Variants in ANO3 observed in about 807,000 individuals in gnomAD.
ANO3 encodes the protein anoctamin-3.
Under a neutral mutation model 144.8 loss-of-function variants are expected in ANO3, and 99 were observed. The ratio of observed to expected loss-of-function variants is 0.68; its 90% confidence interval spans 0.58 to 0.81. ANO3 has a LOEUF of 0.81. Among genes scored for constraint, ANO3 ranks in the 30% least tolerant of loss-of-function variants. The pLI is 0.00. For synonymous variants in ANO3, 414 were observed against 392.6 expected (o/e 1.05, Z -0.64); for missense variants, 905 against 1,202.2 (o/e 0.75, Z 3.66).
At chr11:26,365,230 A>G (rs1856034975) in intron 1 of ANO3, among the ~76,000 whole-genome samples, 2 of 152,198 alleles carry the variant, frequency 1.3e-5, no homozygotes, top group Admixed American at 1.3e-4. Context: ...GGCCCACAAG[A>G]ACATGGGCAG....
intron 20 of ANO3, among the ~76,000 whole-genome samples, chr11:26,635,395 T>C (rs1443685951): frequency 6.6e-6 from 1 of 152,148 alleles, no homozygotes; most frequent in Non-Finnish European, 1.5e-5. Context: ...TTAAATATGT[T>C]AGGTTTCCTT....
intron 1 of ANO3, among the ~76,000 whole-genome samples, chr11:26,375,973 G>A (rs996605363): frequency 6.6e-6 from 1 of 152,120 alleles, no homozygotes; most frequent in Non-Finnish European, 1.5e-5. Context: ...AAAAAAGTGT[G>A]CATTCCAAAA....
At chr11:26,360,590 AGACAGAAT>A (rs1666750210) in intron 1 of ANO3, among the ~76,000 whole-genome samples, 1 of 152,046 alleles carries the variant, frequency 6.6e-6, no homozygotes, top group Non-Finnish European at 1.5e-5. Flanking sequence ...ACCTCTCTGT[AGACAGAAT>A]GCCTGTCTAC....
intron 4 of ANO3, among the ~76,000 whole-genome samples, chr11:26,484,966 C>T (rs150114865): frequency 6.6e-6 from 1 of 152,288 alleles, no homozygotes; most frequent in East Asian, 1.9e-4. Context: ...TCAAATTTCT[C>T]CCTTTTGGAA....
upstream of ANO3, among the ~76,000 whole-genome samples, chr11:26,304,998 C>T (rs1425056318): frequency 1.3e-5 from 2 of 151,748 alleles, no homozygotes; most frequent in Non-Finnish European, 1.5e-5. Context: ...AATTAAAGGA[C>T]TTGAAAACTG....
At chr11:26,538,590 T>C (rs903586727) in intron 10 of ANO3, among the ~76,000 whole-genome samples, 2 of 152,162 alleles carry the variant, frequency 1.3e-5, no homozygotes, top group South Asian at 2.1e-4. Context: ...AGAACCTCTG[T>C]AGCAAAGGAA....
chr11:26,584,710 T>C (rs944861011), intron 14 of ANO3, among the ~76,000 whole-genome samples: 14 of 152,222 alleles, frequency 9.2e-5, no homozygotes, highest in East Asian at 3.9e-4. Context: ...CTCACTGATA[T>C]ATTTCAACCA....
At chr11:26,507,110 G>T (rs1278797688) in intron 4 of ANO3, among the ~76,000 whole-genome samples, 2 of 152,144 alleles carry the variant, frequency 1.3e-5, no homozygotes, top group Admixed American at 1.3e-4. Context: ...GAAGAAATTG[G>T]GTTCAAGTCC....
chr11:26,598,809 T>C (rs1401895649), intron 15 of ANO3, 49 bp from the exon 16 acceptor site: 4 of 1,579,844 alleles, frequency 2.5e-6, no homozygotes, highest in African/African-American at 2.7e-5. Flanking sequence ...GGGGTATGTT[T>C]TTTTAGTTTA....
intron 1 of ANO3, among the ~76,000 whole-genome samples, chr11:26,240,791 T>C (rs770445655): frequency 5.9e-5 from 9 of 152,220 alleles, no homozygotes; most frequent in Non-Finnish European, 8.8e-5. Context: ...TGCCATGTTA[T>C]GGAAACGTAT....
intron 3 of ANO3, among the ~76,000 whole-genome samples, chr11:26,452,766 G>A (rs1858995879): frequency 7.1e-6 from 1 of 141,616 alleles, no homozygotes; most frequent in Non-Finnish European, 1.5e-5. Flanking sequence ...GCAACCCCAA[G>A]ACACATAATT....
intron 14 of ANO3, among the ~76,000 whole-genome samples, chr11:26,574,953 C>A (rs1345425839): frequency 6.6e-6 from 1 of 151,958 alleles, no homozygotes; most frequent in African/African-American, 2.4e-5. Flanking sequence ...AAGTTGTAAA[C>A]CTGGTCAATC....
intron 1 of ANO3, among the ~76,000 whole-genome samples, chr11:26,313,907 G>A (rs1362499362): frequency 7.2e-6 from 1 of 138,256 alleles, no homozygotes; most frequent in Admixed American, 6.9e-5. Flanking sequence ...TAAAAAGAGA[G>A]TACCTAAAAA....
At chr11:26,247,127 A>G (rs1319237702) in intron 1 of ANO3, among the ~76,000 whole-genome samples, 1 of 152,234 alleles carries the variant, frequency 6.6e-6, no homozygotes, top group African/African-American at 2.4e-5. Flanking sequence ...CTGATGAATC[A>G]GAATTTTTGA....
chr11:26,618,775 T>A (rs1343423722), intron 17 of ANO3, among the ~76,000 whole-genome samples: 2 of 152,176 alleles, frequency 1.3e-5, no homozygotes, highest in Non-Finnish European at 2.9e-5. Flanking sequence ...CCTGTCTCTT[T>A]CTCCACAGTG....
chr11:26,613,503 G>T lies in ANO3; in HGVS notation c.1837-10959G>T, dbSNP rs111424505. Among the ~76,000 whole-genome samples, 754 of 151,920 alleles carry T rather than the reference G, an allele frequency of 5.0e-3. 6 individuals carry two copies. Among genetic ancestry groups the T allele is most frequent in the African/African-American group, 0.017 (717 of 41,434 alleles). ...AATTTCATAAATTTTCTTTTCTTTG[G>T]GGTCTGTTACTAGAGACTTATTGTG... On this transcript the variant is annotated intron_variant, in intron 17 of 26. Transcript: ENST00000256737.
At chr11:26,337,460 T>C (rs1026533697) in intron 1 of ANO3, among the ~76,000 whole-genome samples, 5 of 152,220 alleles carry the variant, frequency 3.3e-5, no homozygotes, top group African/African-American at 1.2e-4. Flanking sequence ...TTGATGATTC[T>C]AGAGAGCTGA....
intron 1 of ANO3, among the ~76,000 whole-genome samples, chr11:26,430,620 G>T (rs75320557): frequency 0.022 from 3,285 of 151,532 alleles, 57 homozygotes; most frequent in African/African-American, 0.039. Context: ...TACCAAGAAA[G>T]AAGAAAAAAA....
At position 26,553,219 on chromosome 11, in the gene ANO3, G is replaced by GTTTTTTTTTTTTTTTT; in HGVS notation, c.1290-26_1290-25insTTTTTTTTTTTTTTTT. Reference sequence around the variant, plus strand: ...TAGTCACAGTTTCATGCTATGTTTTGTTTTGTTTTTGTTTTTGTTTTTTCT... The same window carrying GTTTTTTTTTTTTTTTT: ...TAGTCACAGTTTCATGCTATGTTTTGTTTTTTTTTTTTTTTTTTTTGTTTTTGTTTTTGTTTTTTCT... On this transcript the variant is annotated intron_variant, in intron 12 of 26. Transcript: ENST00000256737. 10 of 1,197,670 alleles carry GTTTTTTTTTTTTTTTT rather than the reference G, an allele frequency of 8.3e-6. 1 individual carries two copies. Among genetic ancestry groups the GTTTTTTTTTTTTTTTT allele is most frequent in the Admixed American group, 4.1e-5 (2 of 48,686 alleles). 74.2% of individuals were successfully genotyped at this position (1,197,670 alleles called of 1,614,324 possible). A position where few individuals can be genotyped will look rare whatever the true frequency, so the allele number is the denominator to read the frequency against.
Sources: allele counts gnomAD v4.1 joint callset (sites outside exome capture counted in the v4.1 genomes callset), GRCh38; gene constraint gnomAD v4.1.1; transcripts MANE v1.5; gene names NCBI Gene and HGNC (gene_info 2026-07-23, HGNC 2026-07-21).